The following LRRC28 variants were observed in gnomAD, a reference collection of about 807,000 sequenced individuals.
The protein encoded by LRRC28 is leucine-rich repeat-containing protein 28.
A neutral mutation model predicts 45.7 loss-of-function variants in LRRC28; 39 were observed. The ratio of observed to expected loss-of-function variants is 0.85; its 90% CI spans 0.66 to 1.12. LRRC28 has a LOEUF of 1.12. Among genes scored for constraint, LRRC28 ranks in the 50% most tolerant of loss-of-function variants. LRRC28 has a pLI of 0.00. For missense variants in LRRC28, 435 were observed against 438.5 expected, an observed-to-expected ratio of 0.99 and a Z score of 0.07; for synonymous variants, 206 against 178.8, an observed-to-expected ratio of 1.15 and a Z score of -1.22.
chr15:99,381,870 C>G (rs553091584), intron 9 of LRRC28, among the ~76,000 whole-genome samples: 1 of 152,378 alleles, frequency 6.6e-6, no homozygotes, highest in African/African-American at 2.4e-5. Context: ...GCAAATGTTG[C>G]TGCCTGATTG....
At chr15:99,318,832 G>A (rs145667907) in intron 5 of LRRC28, among the ~76,000 whole-genome samples, 29 of 152,004 alleles carry the variant, frequency 1.9e-4, no homozygotes, top group Middle Eastern at 3.4e-3. Context: ...TTTTTGTGTT[G>A]TGCATGTGTT....
At chr15:99,376,692 A>C (rs183491962) in intron 9 of LRRC28, among the ~76,000 whole-genome samples, 206 of 151,540 alleles carry the variant, frequency 1.4e-3, no homozygotes, top group African/African-American at 4.1e-3. Flanking sequence ...TATCCCTCCC[A>C]CTTCCCCCCA....
intron 5 of LRRC28, among the ~76,000 whole-genome samples, chr15:99,289,822 A>G (rs1365144039): frequency 1.3e-5 from 2 of 149,390 alleles, no homozygotes; most frequent in Admixed American, 6.7e-5. Context: ...AGTCCCAGCT[A>G]CTCGGGAGGC....
chr15:99,273,532 C>G (rs893315804), intron 2 of LRRC28, among the ~76,000 whole-genome samples: 2 of 150,852 alleles, frequency 1.3e-5, no homozygotes, highest in Non-Finnish European at 3.0e-5. Context: ...CCACCGTGCC[C>G]GGCCGTGTCT....
chr15:99,259,179 C>A, intron 2 of LRRC28: 1 of 1,133,850 alleles, frequency 8.8e-7, no homozygotes, highest in South Asian at 1.2e-5. Flanking sequence ...GCTGACATTA[C>A]TAGCCTACAC....
At chr15:99,347,314 C>A (rs1038043102) in intron 6 of LRRC28, among the ~76,000 whole-genome samples, 8 of 152,056 alleles carry the variant, frequency 5.3e-5, no homozygotes, top group East Asian at 1.9e-4. Context: ...GGTTCACGCC[C>A]TTCTCTTGCC....
intron 9 of LRRC28, among the ~76,000 whole-genome samples, chr15:99,382,834 G>A (rs1040273006): frequency 6.6e-6 from 1 of 151,734 alleles, no homozygotes; most frequent in African/African-American, 2.4e-5. Context: ...GTGTTATTCA[G>A]TTTTTCTATA....
intron 2 of LRRC28, among the ~76,000 whole-genome samples, chr15:99,273,005 A>C (rs965922269): frequency 1.7e-4 from 26 of 152,360 alleles, no homozygotes; most frequent in African/African-American, 5.8e-4. Flanking sequence ...AGTAACAAAA[A>C]TTCTGACATT....
chr15:99,295,976 G>T (rs2082251318), intron 5 of LRRC28, among the ~76,000 whole-genome samples: 1 of 152,186 alleles, frequency 6.6e-6, no homozygotes. Context: ...CACCTGAATT[G>T]TTGTGAAACC....
intron 2 of LRRC28, among the ~76,000 whole-genome samples, chr15:99,268,586 C>T (rs779011181): frequency 1.3e-5 from 2 of 152,156 alleles, no homozygotes; most frequent in Admixed American, 6.5e-5. Context: ...AACTGTTAGT[C>T]CCATCGAATC....
At chr15:99,290,550 C>T (rs569827558) in intron 5 of LRRC28, among the ~76,000 whole-genome samples, 4 of 152,118 alleles carry the variant, frequency 2.6e-5, no homozygotes, top group African/African-American at 9.6e-5. Context: ...TTTACATTTT[C>T]CTAACATTTT....
intron 3 of LRRC28, chr15:99,285,784 G>T: frequency 2.0e-6 from 1 of 489,260 alleles, no homozygotes. Flanking sequence ...CTTGAATTGA[G>T]GCAAGTATTT....
chr15:99,266,917 GA>G (rs2081347035), intron 2 of LRRC28, among the ~76,000 whole-genome samples: 1 of 152,130 alleles, frequency 6.6e-6, no homozygotes, highest in Admixed American at 6.6e-5. Flanking sequence ...ACATCAAACT[GA>G]ATAATGATTA....
intron 7 of LRRC28, chr15:99,355,572 A>G (rs1957023208): frequency 6.6e-6 from 1 of 152,130 alleles, no homozygotes; most frequent in South Asian, 2.1e-4. Context: ...TTTTCTTGTT[A>G]TTACAGGAGT....
rs987211058 is a variant in LRRC28, at chr15:99,388,343, A to G, written c.*2241A>G. 1 of 152,228 alleles carries G rather than the reference A, an allele frequency of 6.6e-6. No individual in the cohort carries two copies. The highest frequency in any genetic ancestry group is 1.5e-5 in the Non-Finnish European group (1 of 68,036). 9.4% of individuals were successfully genotyped at this position (152,228 alleles called of 1,614,324 possible). On this transcript the variant is annotated 3_prime_UTR_variant, in exon 10 of 10. Coordinates refer to ENST00000301981, the MANE Select transcript of LRRC28 (RefSeq NM_144598.5). ...GATTCTCATTGTGATAAGGTGATAC[A>G]TTAGTTTTACCTTGTTTGAAATTTT... is the stretch of plus-strand genomic sequence containing the variant.
intron 7 of LRRC28, chr15:99,353,628 T>G (rs1281208857): frequency 6.6e-6 from 1 of 152,218 alleles, no homozygotes; most frequent in Non-Finnish European, 1.5e-5. Context: ...AATGAGTTCT[T>G]AAAGGATCAT....
intron 6 of LRRC28, among the ~76,000 whole-genome samples, chr15:99,348,314 G>A (rs1439005743): frequency 1.3e-5 from 2 of 152,006 alleles, no homozygotes; most frequent in East Asian, 1.9e-4. Context: ...TGTAGCCTGA[G>A]CTTTTGGTGT....
chr15:99,322,576 T>C (rs1955837103), intron 5 of LRRC28, among the ~76,000 whole-genome samples: 1 of 152,136 alleles, frequency 6.6e-6, no homozygotes, highest in South Asian at 2.1e-4. Flanking sequence ...AAAATATCAA[T>C]AAAATAAGGG....
intron 6 of LRRC28, among the ~76,000 whole-genome samples, chr15:99,336,630 C>A (rs916092214): frequency 2.0e-5 from 3 of 152,190 alleles, no homozygotes; most frequent in African/African-American, 7.2e-5. Context: ...CTTTCTCTCA[C>A]CTACCCACTC....
Sources: gnomAD v4.1 joint callset for allele counts (sites outside exome capture counted in the v4.1 genomes callset) on GRCh38, gnomAD v4.1.1 for gene constraint, MANE v1.5 for transcripts, NCBI Gene and HGNC (gene_info 2026-07-23, HGNC 2026-07-21) for gene names.